Variants in KLHDC1 observed in about 807,000 individuals in gnomAD.
The protein encoded by KLHDC1 is kelch domain containing 1, also known as kelch domain-containing protein 1.
A neutral mutation model predicts 68.3 loss-of-function variants in KLHDC1; 53 were observed. That is an observed-to-expected ratio of 0.78 (90% CI 0.62 to 0.98). The LOEUF is 0.98. Ranked by LOEUF, KLHDC1 falls within the 50% of genes least tolerant of loss-of-function variation. The pLI, the probability that KLHDC1 is intolerant of heterozygous loss-of-function variation, is 0.00. For synonymous variants in KLHDC1, 148 were observed against 159.0 expected, an observed-to-expected ratio of 0.93 and a Z score of 0.52; for missense variants, 470 against 492.3, an observed-to-expected ratio of 0.95 and a Z score of 0.43.
intron 9 of KLHDC1, among the ~76,000 whole-genome samples, chr14:49,733,947 C>T (rs1360518614): frequency 2.0e-5 from 3 of 152,264 alleles, no homozygotes; most frequent in Admixed American, 6.5e-5. Context: ...TATTCTTGCA[C>T]ATTATTATAC....
rs145819613 is a variant in KLHDC1, at chr14:49,741,400, G to A, written c.981+1218G>A. 4.8e-3 allele frequency among the ~76,000 whole-genome samples: 728 copies of A among 151,868 alleles called. 4 individuals carry two copies. Among genetic ancestry groups the A allele is most frequent in the African/African-American group, 0.017 (697 of 41,442 alleles). The stretch of plus-strand genomic sequence containing the variant: ...GGTTCGCTGCAGCCTCCACCTCCTG[G>A]GTTCAAGCGATTCTCCGGCCTCAGC... On this transcript the variant is annotated intron_variant, in intron 11 of 12. Transcript: ENST00000359332.
intron 8 of KLHDC1, among the ~76,000 whole-genome samples, chr14:49,731,246 C>T (rs1290441682): frequency 6.6e-6 from 1 of 152,096 alleles, no homozygotes; most frequent in East Asian, 1.9e-4. Context: ...CGCCATTGCA[C>T]TCCAGCTTGG....
chr14:49,725,839 T>A (rs904986843), intron 6 of KLHDC1, 70 bp downstream of exon 6: 1 of 753,188 alleles, frequency 1.3e-6, no homozygotes, highest in African/African-American at 1.8e-5. Context: ...GGATTTTGGG[T>A]TTTTTTTTGT....
rs1306483040 is a variant in KLHDC1, at chr14:49,710,267, AT to A, written c.294del (p.Phe98LeufsTer39). On this transcript the variant is annotated frameshift_variant, in exon 4 of 13. Transcript: ENST00000359332. LOFTEE classifies it high-confidence loss of function. ...TAGTGTTCTCATCTTTTAAAGCTTT[AT>A]TTTGTTAATTTACGAACAAGAGATG... ...YDDKGYSNRL[Y>X]FVNLRTRDET... is the part of the protein sequence containing the mutation. 1 of 1,563,842 alleles carries A rather than the reference AT, an allele frequency of 6.4e-7. No individual in the cohort carries two copies. Among genetic ancestry groups the A allele is most frequent in the Non-Finnish European group, 8.8e-7 (1 of 1,135,044 alleles).
chr14:49,743,434 C>T (rs1299246144), intron 11 of KLHDC1, among the ~76,000 whole-genome samples: 1 of 149,590 alleles, frequency 6.7e-6, no homozygotes, highest in Admixed American at 6.6e-5. Flanking sequence ...AAACCACTAC[C>T]GTTATTTTTT....
intron 12 of KLHDC1, among the ~76,000 whole-genome samples, chr14:49,748,204 C>T (rs920629063): frequency 6.6e-6 from 1 of 152,142 alleles, no homozygotes; most frequent in South Asian, 2.1e-4. Context: ...TGTGGTGAGC[C>T]AGGGCCAAAG....
intron 3 of KLHDC1, 32 bp downstream of exon 3, chr14:49,709,858 A>T: frequency 9.0e-7 from 1 of 1,107,390 alleles, no homozygotes; most frequent in Non-Finnish European, 1.3e-6. Flanking sequence ...GAGTGCAGCA[A>T]AATGTAATAT....
At position 49,705,821 on chromosome 14, in the gene KLHDC1, T is replaced by C. The variant is rs542086032; in HGVS notation, c.97-3338T>C. On this transcript the variant is annotated intron_variant, in intron 1 of 12. Coordinates refer to ENST00000359332, the MANE Select transcript of KLHDC1 (RefSeq NM_172193.3). ...TCAGTCAGACATGAGTGTAAGTTTA[T>C]GTTTTTTCACTGATTGAAAAATTTT... Among the ~76,000 whole-genome samples the C allele has an allele frequency of 5.9e-5, 9 of 152,346 alleles. No individual in the cohort carries two copies. In the South Asian group the frequency reaches 1.2e-3, roughly 21 times the overall value.
chr14:49,706,403 C>T (rs993592766), intron 1 of KLHDC1, among the ~76,000 whole-genome samples: 6 of 152,070 alleles, frequency 3.9e-5, no homozygotes, highest in African/African-American at 1.2e-4. Flanking sequence ...CAAGTTGCTT[C>T]GAAATTTTGG....
intron 12 of KLHDC1, among the ~76,000 whole-genome samples, chr14:49,746,043 A>ATGGGGC: frequency 6.6e-6 from 1 of 152,210 alleles, no homozygotes; most frequent in Admixed American, 6.5e-5. Flanking sequence ...GAAAGTATCA[A>ATGGGGC]TGGGGCTGGA....
chr14:49,737,619 C>T (rs1888959434), intron 10 of KLHDC1, among the ~76,000 whole-genome samples: 1 of 151,570 alleles, frequency 6.6e-6, no homozygotes, highest in African/African-American at 2.4e-5. Flanking sequence ...AATCCCAGCA[C>T]TTTGGGAGGC....
intron 4 of KLHDC1, among the ~76,000 whole-genome samples, chr14:49,718,119 C>T (rs892410386): frequency 1.3e-5 from 2 of 152,090 alleles, no homozygotes; most frequent in Non-Finnish European, 2.9e-5. Flanking sequence ...CTCTTGGCTT[C>T]AAGTGATCCT....
In KLHDC1 at chr14:49,752,390, C is replaced by T. The variant is rs1022535881; in HGVS notation, c.*618C>T. ...TAGAGGAATAAATGTCTTCAGTTGT[C>T]TCTCCATTACCCCTAAGTTATTAGT... is the stretch of plus-strand genomic sequence containing the variant. On this transcript the variant is annotated 3_prime_UTR_variant, in exon 13 of 13. Transcript: ENST00000359332. 6.6e-6 allele frequency: 1 copy of T among 152,474 alleles called. No individual in the cohort carries two copies. The highest frequency in any genetic ancestry group is 2.4e-5 in the African/African-American group (1 of 41,418). The allele number at this position is 152,474 out of a possible 1,614,324, so 9.4% of individuals were successfully genotyped here.
At chr14:49,723,734 C>G (rs1424239821) in intron 4 of KLHDC1, 140 bp from the exon 5 acceptor site, 2 of 571,206 alleles carry the variant, frequency 3.5e-6, no homozygotes, top group Non-Finnish European at 6.1e-6. Context: ...ATTTAGGTCT[C>G]TTTGTTCCCT....
At chr14:49,707,460 G>T (rs1888084814) in intron 1 of KLHDC1, among the ~76,000 whole-genome samples, 1 of 138,778 alleles carries the variant, frequency 7.2e-6, no homozygotes, top group Non-Finnish European at 1.5e-5. Flanking sequence ...CGATTCTCCT[G>T]CCTCAGCCTT....
intron 11 of KLHDC1, among the ~76,000 whole-genome samples, chr14:49,742,966 C>A (rs139828393): frequency 7.5e-6 from 1 of 134,168 alleles, no homozygotes; most frequent in Non-Finnish European, 1.5e-5. Flanking sequence ...CAGCTACTTG[C>A]GGGGCTGAGG....
chr14:49,714,860 T>TA (rs1555339173), intron 4 of KLHDC1, among the ~76,000 whole-genome samples: 2 of 1,332 alleles, frequency 1.5e-3, no homozygotes, highest in Non-Finnish European at 0.026. Flanking sequence ...AAAATATGTC[T>TA]TTATATATTA....
chr14:49,718,255 C>T (rs1262523115), intron 4 of KLHDC1, among the ~76,000 whole-genome samples: 1 of 151,976 alleles, frequency 6.6e-6, no homozygotes, highest in African/African-American at 2.4e-5. Flanking sequence ...ATATACCCTT[C>T]TTCATGGTAT....
At chr14:49,726,109 A>G (rs1888666011) in intron 6 of KLHDC1, among the ~76,000 whole-genome samples, 1 of 152,220 alleles carries the variant, frequency 6.6e-6, no homozygotes, top group South Asian at 2.1e-4. Context: ...TAGCCTTGCA[A>G]AGTGCCCGGA....
Sources: allele counts gnomAD v4.1 joint callset (sites outside exome capture counted in the v4.1 genomes callset), GRCh38; gene constraint gnomAD v4.1.1; transcripts MANE v1.5; gene names NCBI Gene and HGNC (gene_info 2026-07-23, HGNC 2026-07-21).